Variants in ANKRD24 observed in about 807,000 individuals in gnomAD.
ANKRD24 encodes ankyrin repeat domain-containing protein 24.
ANKRD24 carries 109 observed loss-of-function variants against 127.8 expected under a neutral mutation model. That is an observed-to-expected ratio of 0.85 (90% confidence interval 0.73 to 1.00). The LOEUF is 1.00. Among genes scored for constraint, ANKRD24 ranks in the 50% least tolerant of loss-of-function variants. The pLI is 0.00. For synonymous variants in ANKRD24, 743 were observed against 671.1 expected, an observed-to-expected ratio of 1.11 and a Z score of -1.66; for missense variants, 1,648 against 1,570.2, an observed-to-expected ratio of 1.05 and a Z score of -0.84.
At position 4,201,895 on chromosome 19, in the gene ANKRD24, G is replaced by A. The variant is rs1024358711; in HGVS notation, c.344-131G>A. 4.0e-6 allele frequency: 3 copies of A among 755,314 alleles called. No individual in the cohort carries two copies. In the Admixed American group the frequency reaches 6.7e-5, roughly 17 times the overall value. 46.8% of individuals were successfully genotyped at this position (755,314 alleles called of 1,614,324 possible). Reference sequence around the variant, plus strand: ...CAAGATCCTTTCTGCAGGGAAAAAAGGAGAGAAATACTAGGGTTTACGGAC... The same window carrying A: ...CAAGATCCTTTCTGCAGGGAAAAAAAGAGAGAAATACTAGGGTTTACGGAC... On this transcript the variant is annotated intron_variant, in intron 5 of 21. Transcript: ENST00000318934.
At position 4,216,323 on chromosome 19, in the gene ANKRD24, C is replaced by T; in HGVS notation, c.1310C>T (p.Ala437Val). 6.4e-7 allele frequency: 1 copy of T among 1,564,490 alleles called. No homozygotes were observed. The highest frequency in any genetic ancestry group is 8.7e-7 in the Non-Finnish European group (1 of 1,154,672). The part of the protein sequence containing the change: ...VLLSRQLSPS[A>V]QEHLASLQEQ... ...CTGTCCAGACAACTCAGTCCGTCGG[C>T]CCAGGAACACCTGGCCTCGCTGCAG... Residue 437 changes from alanine to valine, a missense_variant, in exon 17 of 22, where the codon GCC becomes GTC. Transcript: ENST00000318934.
In ANKRD24 at chr19:4,218,210, T is replaced by TGGCGGCCTGTTTTAGCCCCGC. The variant is rs989810938; in HGVS notation, c.3003+48_3003+68dup. ...CCGGGCCCCACCCCCATTGGCCACG[T>TGGCGGCCTGTTTTAGCCCCGC]GGCGGCCTGTTTTAGCCCCGCAGCC... On this transcript the variant is annotated intron_variant, in intron 18 of 21. Coordinates refer to ENST00000318934, the MANE Select transcript of ANKRD24 (RefSeq NM_001393985.1). The TGGCGGCCTGTTTTAGCCCCGC allele has an allele frequency of 5.7e-6, 8 of 1,401,430 alleles. No individual in the cohort carries two copies. The African/African-American group carries it at 1.1e-4, about 19-fold the overall frequency. 86.8% of individuals were successfully genotyped at this position (1,401,430 alleles called of 1,614,324 possible). A position where few individuals can be genotyped will look rare whatever the true frequency, so the allele number is the denominator to read the frequency against.
intron 19 of ANKRD24, 143 bp from the exon 20 acceptor site, chr19:4,222,527 C>G (rs555565123): frequency 2.2e-6 from 2 of 910,686 alleles, no homozygotes; most frequent in African/African-American, 3.4e-5. Flanking sequence ...CCAGACGTGG[C>G]CCTCAGGCCA....
At chr19:4,197,635 G>A (rs980943215) in intron 2 of ANKRD24, among the ~76,000 whole-genome samples, 8 of 152,098 alleles carry the variant, frequency 5.3e-5, no homozygotes, top group Admixed American at 3.3e-4. Flanking sequence ...ATGGGTGAAC[G>A]AATGAACGAG....
rs950782123 is a variant in ANKRD24 at position 4,195,030 on chromosome 19, C to T, written c.37-4653C>T. Reference sequence around the variant, plus strand: ...TCTCCCAGGCTGGAGTGCAGTGGTGCGATCTCGGCGTGAGCCACCGCGCCC... The same window carrying T: ...TCTCCCAGGCTGGAGTGCAGTGGTGTGATCTCGGCGTGAGCCACCGCGCCC... On this transcript the variant is annotated intron_variant, in intron 2 of 21. Coordinates refer to ENST00000318934, the MANE Select transcript of ANKRD24 (RefSeq NM_001393985.1). This position sits in a 1 kb window ranked among gnomAD's most constrained non-coding sequence, Gnocchi z 4.2. Among the ~76,000 whole-genome samples, 18 of 151,536 alleles carry T rather than the reference C, an allele frequency of 1.2e-4. No homozygotes were observed. The highest frequency in any genetic ancestry group is 2.1e-4 in the South Asian group (1 of 4,784).
Position 4,199,952 on chromosome 19 carries a change from C to T in ANKRD24, c.201C>T (p.Leu67=), listed in dbSNP as rs749162502. The change falls in exon 4 of 22, where the codon CTC becomes CTT. Residue 67 remains leucine (L), a synonymous_variant. Transcript: ENST00000318934. This position sits in a 1 kb window ranked among gnomAD's most constrained non-coding sequence, Gnocchi z 5.2. The part of the protein sequence containing the change: ...ENNDAPRVAA[L]IARKGLVPTK... ...ACGATGCACCTCGGGTGGCCGCCCT[C>T]ATCGCCCGCAAGGGGCTGGTGCCCA... The T allele has an allele frequency of 2.0e-5, 32 of 1,564,716 alleles. No individual in the cohort carries two copies. The highest frequency in any genetic ancestry group is 1.7e-4 in the Middle Eastern group (1 of 6,000).
intron 6 of ANKRD24, among the ~76,000 whole-genome samples, 167 bp downstream of exon 6, chr19:4,202,257 A>T (rs1969134199): frequency 6.6e-6 from 1 of 151,966 alleles, no homozygotes. Flanking sequence ...GACCATCCAC[A>T]TGCTTCTCCT....
chr19:4,202,153 C>A, intron 6 of ANKRD24, 63 bp downstream of exon 6: 1 of 1,431,118 alleles, frequency 7.0e-7, no homozygotes, highest in Non-Finnish European at 9.9e-7. Flanking sequence ...TCCAGCAATT[C>A]CTTGAACCCC....
chr19:4,186,909 AAATCCTTGCCCTCGTGGAG>A (rs966240382), intron 2 of ANKRD24, among the ~76,000 whole-genome samples: 11 of 152,192 alleles, frequency 7.2e-5, no homozygotes, highest in African/African-American at 2.2e-4. Flanking sequence ...GGGCAGGCAA[AAATCCTTGCCCTCGTGGAG>A]CCGACCGCTG....
intron 2 of ANKRD24, 122 bp downstream of exon 2, chr19:4,186,583 G>T (rs190678058): frequency 1.7e-6 from 2 of 1,156,892 alleles, no homozygotes; most frequent in Non-Finnish European, 2.5e-6. Flanking sequence ...CCTCTCTGCT[G>T]CCCCCTAGCG....
chr19:4,210,312 G>A lies in ANKRD24; in HGVS notation c.999G>A (p.Arg333=), dbSNP rs767892604. The part of the protein sequence containing the change: ...YEEIVRLRQE[R]GRLLQKIRGL... ...AGATCGTGAGGCTGCGGCAGGAGAG[G>A]GGCCGCCTCCTGCAGAAGATCCGGG... Residue 333 remains arginine (R), a synonymous_variant, in exon 13 of 22, where the codon AGG becomes AGA. Coordinates refer to ENST00000318934, the MANE Select transcript of ANKRD24 (RefSeq NM_001393985.1). 2.5e-6 allele frequency: 4 copies of A among 1,585,390 alleles called. No individual in the cohort carries two copies. In the East Asian group the frequency reaches 6.9e-5, roughly 27 times the overall value.
chr19:4,198,645 A>T lies in ANKRD24; in HGVS notation c.37-1038A>T. 2.5e-6 allele frequency: 1 copy of T among 396,908 alleles called. No individual in the cohort carries two copies. The highest frequency in any genetic ancestry group is 4.5e-6 in the Non-Finnish European group (1 of 223,618). The allele number at this position is 396,908 out of a possible 1,614,324, so 24.6% of individuals were successfully genotyped here. ...CCCCCCCATTCCAGACCCGGGAAAG[A>T]TGGTCGGCGGCGGGGGGTGGGGGGG... On this transcript the variant is annotated intron_variant, in intron 2 of 21. Coordinates refer to ENST00000318934, the MANE Select transcript of ANKRD24 (RefSeq NM_001393985.1). This position sits in a 1 kb window ranked among gnomAD's most constrained non-coding sequence, Gnocchi z 6.1.
At position 4,217,308 on chromosome 19, in the gene ANKRD24, G is replaced by T; in HGVS notation, c.2148G>T (p.Glu716Asp). ...CCATCCTACATCCTGGTGCCGCAGAGGCCTCGGAAAAGCTTCAAGTAGAGC... is the reference window on the plus strand; with the variant it reads ...CCATCCTACATCCTGGTGCCGCAGATGCCTCGGAAAAGCTTCAAGTAGAGC... The part of the protein sequence containing the change: ...AGPILHPGAA[E>D]ASEKLQVELE... The change falls in exon 18 of 22, where the codon GAG becomes GAT. Residue 716 changes from glutamate to aspartate, a missense_variant. Physicochemically the swap from Glu to Asp is conservative, Grantham distance 45. Transcript: ENST00000318934. The T allele has an allele frequency of 6.4e-7, 1 of 1,553,072 alleles. No homozygotes were observed. Among genetic ancestry groups the T allele is most frequent in the Non-Finnish European group, 8.7e-7 (1 of 1,147,918 alleles).
At chr19:4,218,186 C>T in intron 18 of ANKRD24, 23 bp downstream of exon 18, 1 of 1,427,904 alleles carries the variant, frequency 7.0e-7, no homozygotes. Context: ...GGTCACCACC[C>T]GGGCCCCACC....
chr19:4,195,371 G>A lies in ANKRD24; in HGVS notation c.37-4312G>A, dbSNP rs1275847937. ...TGACAGGCGTGAGCCACCATGCCTG[G>A]CCATTTGCTCTGATCTTGTATGGCA... On this transcript the variant is annotated intron_variant, in intron 2 of 21. Coordinates refer to ENST00000318934, the MANE Select transcript of ANKRD24 (RefSeq NM_001393985.1). This position sits in a 1 kb window ranked among gnomAD's most constrained non-coding sequence, Gnocchi z 4.2. Among the ~76,000 whole-genome samples, 1 of 152,074 alleles carries A rather than the reference G, an allele frequency of 6.6e-6. No individual in the cohort carries two copies. Among genetic ancestry groups the A allele is most frequent in the Non-Finnish European group, 1.5e-5 (1 of 68,006 alleles).
chr19:4,207,334 AG>A (rs1353466991), intron 8 of ANKRD24, 22 bp downstream of exon 8: 1 of 1,610,996 alleles, frequency 6.2e-7, no homozygotes, highest in Non-Finnish European at 8.5e-7. Flanking sequence ...GGATCTCTTC[AG>A]GGAAGATGTT....
chr19:4,217,733 C>T lies in ANKRD24; in HGVS notation c.2573C>T (p.Ala858Val). The T allele has an allele frequency of 7.7e-7, 1 of 1,294,244 alleles. No homozygotes were observed. The highest frequency in any genetic ancestry group is 9.8e-7 in the Non-Finnish European group (1 of 1,025,492). The allele number at this position is 1,294,244 out of a possible 1,614,324, so 80.2% of individuals were successfully genotyped here. ...CTGGAGGTTCTGCGGGAGCAGCTGG[C>T]CACGGCCAGGGCCACGGGGGAGCAG... is the stretch of plus-strand genomic sequence containing the variant. The part of the protein sequence containing the change: ...RELEVLREQL[A>V]TARATGEQQR... The change falls in exon 18 of 22, where the codon GCC becomes GTC. Residue 858 changes from alanine to valine, a missense_variant. Physicochemically the swap from Ala to Val is moderately conservative, Grantham distance 64. Transcript: ENST00000318934.
intron 14 of ANKRD24, 41 bp from the exon 15 acceptor site, chr19:4,212,558 CT>C (rs764432581): frequency 1.2e-5 from 18 of 1,548,184 alleles, no homozygotes; most frequent in South Asian, 2.4e-5. Flanking sequence ...GCTGCCCAGC[CT>C]TTCCTCCCAG....
At chr19:4,192,351 T>A (rs1276166596) in intron 2 of ANKRD24, among the ~76,000 whole-genome samples, 14 of 151,690 alleles carry the variant, frequency 9.2e-5, no homozygotes, top group Non-Finnish European at 7.4e-5. Context: ...TTTTTTCTTT[T>A]TATATTTTTA....
Sources: gnomAD v4.1 joint callset for allele counts (sites outside exome capture counted in the v4.1 genomes callset) on GRCh38, gnomAD v4.1.1 for gene constraint, Gnocchi (gnomAD v3.1) non-coding constraint, MANE v1.5 for transcripts, NCBI Gene and HGNC (gene_info 2026-07-23, HGNC 2026-07-21) for gene names.